Variants in EPB41L4B observed in about 807,000 individuals in gnomAD.
EPB41L4B encodes the protein erythrocyte membrane protein band 4.1 like 4B.
A neutral mutation model predicts 112.5 loss-of-function variants in EPB41L4B; 30 were observed. The observed-to-expected ratio is 0.27, with a 90% CI of 0.20 to 0.36. EPB41L4B has a LOEUF of 0.36. Among genes scored for constraint, EPB41L4B ranks in the 10% least tolerant of loss-of-function variants. The pLI is 1.00. For synonymous variants in EPB41L4B, 408 were observed against 439.7 expected (o/e 0.93, Z 0.90); for missense variants, 1,024 against 1,133.3 (o/e 0.90, Z 1.38).
rs561118433 is a variant in EPB41L4B at position 109,299,895 on chromosome 9, C to G, written c.307-19974G>C. On this transcript the variant is annotated intron_variant, in intron 1 of 25. Transcript: ENST00000374566. ...CTGTGTGGGGATGGTCCACTCACCC[C>G]CATCCCCGCACTCACAGCAGAGCTT... Among the ~76,000 whole-genome samples, 3 of 152,316 alleles carry G rather than the reference C, an allele frequency of 2.0e-5. No homozygotes were observed. In the East Asian group the frequency reaches 5.8e-4, roughly 29 times the overall value.
intron 1 of EPB41L4B, among the ~76,000 whole-genome samples, chr9:109,307,015 GTTT>G (rs534923556): frequency 8.8e-5 from 11 of 124,496 alleles, no homozygotes; most frequent in East Asian, 4.7e-4. Context: ...TGCTGCAGTT[GTTT>G]TTTTTTTTTT....
chr9:109,195,585 C>T (rs1365362883), intron 20 of EPB41L4B, among the ~76,000 whole-genome samples: 1 of 152,214 alleles, frequency 6.6e-6, no homozygotes, highest in African/African-American at 2.4e-5. Context: ...CACACCGACC[C>T]TATTACCATC....
chr9:109,248,897 A>C (rs984067114), intron 13 of EPB41L4B, among the ~76,000 whole-genome samples: 5 of 151,726 alleles, frequency 3.3e-5, no homozygotes, highest in African/African-American at 4.8e-5. Flanking sequence ...GTCTCTACTA[A>C]AAATACAAAA....
At chr9:109,315,291 A>G (rs986210949) in intron 1 of EPB41L4B, among the ~76,000 whole-genome samples, 4 of 152,190 alleles carry the variant, frequency 2.6e-5, no homozygotes, top group Non-Finnish European at 5.9e-5. Context: ...GACCACCTGC[A>G]TCAGAATCAC....
At chr9:109,183,021 C>A (rs1019107227) in intron 23 of EPB41L4B, among the ~76,000 whole-genome samples, 1 of 152,184 alleles carries the variant, frequency 6.6e-6, no homozygotes, top group African/African-American at 2.4e-5. Flanking sequence ...GCAGGGATGA[C>A]AGCCTGGAGT....
intron 6 of EPB41L4B, among the ~76,000 whole-genome samples, chr9:109,262,726 C>T (rs1835260791): frequency 6.6e-6 from 1 of 152,204 alleles, no homozygotes; most frequent in Non-Finnish European, 1.5e-5. Flanking sequence ...AATGCTTGAA[C>T]TTCACTCTGT....
intron 24 of EPB41L4B, among the ~76,000 whole-genome samples, chr9:109,179,593 A>T (rs1472785773): frequency 6.6e-6 from 1 of 152,128 alleles, no homozygotes; most frequent in African/African-American, 2.4e-5. Flanking sequence ...TTTCAAAGGC[A>T]TTTCTAATCC....
chr9:109,199,925 C>T (rs924836099), intron 20 of EPB41L4B, among the ~76,000 whole-genome samples: 20 of 152,066 alleles, frequency 1.3e-4, no homozygotes, highest in African/African-American at 3.4e-4. Context: ...GTAAGAGCCC[C>T]GGATACAGAA....
chr9:109,237,102 G>A (rs890820334), intron 15 of EPB41L4B, among the ~76,000 whole-genome samples: 13 of 152,134 alleles, frequency 8.5e-5, no homozygotes, highest in Admixed American at 2.6e-4. Flanking sequence ...TGTTCAGAGC[G>A]GGACCCAGGA....
Position 109,320,422 on chromosome 9 carries a change from A to G in EPB41L4B, c.25T>C (p.Phe9Leu). 1 of 990,030 alleles carries G rather than the reference A, an allele frequency of 1.0e-6. No homozygotes were observed. Among genetic ancestry groups the G allele is most frequent in the Non-Finnish European group, 1.2e-6 (1 of 834,662 alleles). 61.3% of individuals were successfully genotyped at this position (990,030 alleles called of 1,614,324 possible). ...TAGCGCTGCATGGAGCGGCGGCCAA[A>G]GGTCCGGCGCAGGAACCGCAGCATC... Reference protein sequence around the residue: MLRFLRRTFGRRSMQRYAR... With the variant: MLRFLRRTLGRRSMQRYAR... The change falls in exon 1 of 26, where the codon TTT (phenylalanine) becomes CTT (leucine). Residue 9 changes from phenylalanine (F) to leucine (L), a missense_variant. By Grantham distance (22) the Phe-to-Leu change is conservative (BLOSUM62 0). Coordinates refer to ENST00000374566, the MANE Select transcript of EPB41L4B (RefSeq NM_019114.5).
chr9:109,188,596 T>C (rs1043075392), intron 22 of EPB41L4B, among the ~76,000 whole-genome samples: 1 of 152,200 alleles, frequency 6.6e-6, no homozygotes, highest in Non-Finnish European at 1.5e-5. Flanking sequence ...AGGGGTACCC[T>C]AATTTAATTT....
chr9:109,313,440 A>G (rs979273264), intron 1 of EPB41L4B, among the ~76,000 whole-genome samples: 57 of 152,212 alleles, frequency 3.7e-4, no homozygotes, highest in African/African-American at 1.3e-3. Flanking sequence ...GTGGGGGGGC[A>G]CACCAGGATG....
At chr9:109,258,061 G>T in intron 7 of EPB41L4B, 116 bp downstream of exon 7, 1 of 1,111,872 alleles carries the variant, frequency 9.0e-7, no homozygotes, top group Non-Finnish European at 1.3e-6. Context: ...AAGAGTTGGC[G>T]CTGCAGTTTT....
intron 19 of EPB41L4B, 32 bp downstream of exon 19, chr9:109,203,631 T>C (rs1020399558): frequency 7.2e-6 from 11 of 1,529,142 alleles, no homozygotes; most frequent in South Asian, 1.1e-5. Flanking sequence ...ACAGAGAATA[T>C]CATTTCCCCA....
chr9:109,295,962 G>A (rs1836717904), intron 1 of EPB41L4B, among the ~76,000 whole-genome samples: 1 of 152,122 alleles, frequency 6.6e-6, no homozygotes, highest in African/African-American at 2.4e-5. Context: ...TTAAAATGAT[G>A]GATGTCTCTG....
chr9:109,235,839 CTT>C (rs960955759), intron 15 of EPB41L4B, among the ~76,000 whole-genome samples: 36 of 152,332 alleles, frequency 2.4e-4, no homozygotes, highest in African/African-American at 8.2e-4. Context: ...TGATAATTCT[CTT>C]ATCAGTGAGA....
intron 24 of EPB41L4B, among the ~76,000 whole-genome samples, chr9:109,178,954 G>A (rs890102874): frequency 7.0e-6 from 1 of 143,212 alleles, no homozygotes; most frequent in Non-Finnish European, 1.5e-5. Flanking sequence ...TGAAGAAGCA[G>A]TAAAAATTAC....
chr9:109,208,920 C>G (rs1037504906), intron 17 of EPB41L4B, among the ~76,000 whole-genome samples: 1 of 152,008 alleles, frequency 6.6e-6, no homozygotes, highest in African/African-American at 2.4e-5. Flanking sequence ...CCAATAAATA[C>G]CTACTAAAGA....
At chr9:109,291,066 G>T (rs1005338258) in intron 1 of EPB41L4B, among the ~76,000 whole-genome samples, 1 of 152,022 alleles carries the variant, frequency 6.6e-6, no homozygotes, top group South Asian at 2.1e-4. Context: ...CCAGTTGAAG[G>T]GTGCCTCAAT....
Sources: allele counts gnomAD v4.1 joint callset (sites outside exome capture counted in the v4.1 genomes callset), GRCh38; gene constraint gnomAD v4.1.1; transcripts MANE v1.5; gene names NCBI Gene and HGNC (gene_info 2026-07-23, HGNC 2026-07-21).